The following USH2A variants were observed in gnomAD, a reference collection of about 807,000 sequenced individuals.
USH2A encodes Usher syndrome 2A (autosomal recessive, mild).
A neutral mutation model predicts 538.9 loss-of-function variants in USH2A; 443 were observed. The ratio of observed to expected loss-of-function variants is 0.82; its 90% CI spans 0.76 to 0.89. USH2A has a LOEUF of 0.89. Among genes scored for constraint, USH2A ranks in the 40% least tolerant of loss-of-function variants. The pLI is 0.00. For missense variants in USH2A, 6,633 were observed against 6,324.8 expected (o/e 1.05, Z -1.65); for synonymous variants, 2,413 against 2,273.5 (o/e 1.06, Z -1.75).
chr1:215,809,018 T>C (rs944563805), intron 49 of USH2A, among the ~76,000 whole-genome samples: 1 of 152,132 alleles, frequency 6.6e-6, no homozygotes, highest in Non-Finnish European at 1.5e-5. Flanking sequence ...GATCCTATAA[T>C]ATGGTATCTC....
At chr1:216,122,205 G>A (rs1433127872) in intron 21 of USH2A, among the ~76,000 whole-genome samples, 1 of 152,094 alleles carries the variant, frequency 6.6e-6, no homozygotes, top group African/African-American at 2.4e-5. Flanking sequence ...ACCTGGGTGG[G>A]TATGGAGTAT....
At chr1:216,162,896 CA>C (rs1210826638) in intron 21 of USH2A, among the ~76,000 whole-genome samples, 1 of 151,786 alleles carries the variant, frequency 6.6e-6, no homozygotes, top group Admixed American at 6.6e-5. Flanking sequence ...GCCAAGCACC[CA>C]AAAAAGAATT....
intron 50 of USH2A, among the ~76,000 whole-genome samples, chr1:215,791,431 T>C (rs1661978068): frequency 6.6e-6 from 1 of 152,162 alleles, no homozygotes; most frequent in Non-Finnish European, 1.5e-5. Flanking sequence ...CAAAAGTGCT[T>C]TTAAAAAAAA....
intron 49 of USH2A, among the ~76,000 whole-genome samples, chr1:215,800,580 C>A (rs1662296191): frequency 6.6e-6 from 1 of 152,174 alleles, no homozygotes; most frequent in Non-Finnish European, 1.5e-5. Context: ...ATTAGTTCAC[C>A]TTTTGGTGAG....
intron 9 of USH2A, among the ~76,000 whole-genome samples, chr1:216,313,681 C>T (rs778939928): frequency 6.6e-6 from 1 of 152,034 alleles, no homozygotes; most frequent in African/African-American, 2.4e-5. Flanking sequence ...AAAGTATTCT[C>T]GAAAAATTCT....
At chr1:215,996,071 C>A (rs11807722) in intron 34 of USH2A, among the ~76,000 whole-genome samples, 19 of 152,024 alleles carry the variant, frequency 1.2e-4, no homozygotes, top group Non-Finnish European at 2.1e-4. Context: ...GCACCACACC[C>A]GGCTATTCTT....
intron 4 of USH2A, among the ~76,000 whole-genome samples, chr1:216,356,921 C>T (rs977959089): frequency 6.6e-6 from 1 of 152,106 alleles, no homozygotes; most frequent in Non-Finnish European, 1.5e-5. Context: ...CCGGTATAAT[C>T]GCTTTTCTAG....
At chr1:215,859,094 G>A (rs1664248551) in intron 44 of USH2A, among the ~76,000 whole-genome samples, 1 of 152,132 alleles carries the variant, frequency 6.6e-6, no homozygotes, top group African/African-American at 2.4e-5. Context: ...AAGCGAGCCT[G>A]TGTGCTAACT....
intron 21 of USH2A, among the ~76,000 whole-genome samples, chr1:216,162,509 A>T (rs2034079788): frequency 1.3e-5 from 2 of 152,094 alleles, no homozygotes; most frequent in South Asian, 4.1e-4. Context: ...TGGATGACGC[A>T]TAGTAAAACC....
rs188999079 is a variant in USH2A at position 216,001,569 on chromosome 1, T to C, written c.6326-1007A>G. Among the ~76,000 whole-genome samples the C allele has an allele frequency of 1.0e-3, 156 of 152,306 alleles. 1 individual carries two copies. Among genetic ancestry groups the C allele is most frequent in the African/African-American group, 3.6e-3 (149 of 41,574 alleles). The stretch of plus-strand genomic sequence containing the variant: ...AGTCAGGTGTACCAAGACTTACTAA[T>C]CATTAATACTTTAACACTACTAGAA... On this transcript the variant is annotated intron_variant, in intron 32 of 71. Transcript: ENST00000307340.
intron 11 of USH2A, among the ~76,000 whole-genome samples, chr1:216,269,973 C>A (rs994487906): frequency 6.6e-6 from 1 of 152,016 alleles, no homozygotes; most frequent in African/African-American, 2.4e-5. Context: ...ATCAAGTAAT[C>A]CATATATGAT....
At chr1:215,997,822 C>T (rs1668174068) in intron 34 of USH2A, among the ~76,000 whole-genome samples, 1 of 152,062 alleles carries the variant, frequency 6.6e-6, no homozygotes, top group South Asian at 2.1e-4. Flanking sequence ...ATATTTCTTA[C>T]TTAATGGGTA....
chr1:215,835,252 C>G (rs908901437), intron 47 of USH2A, among the ~76,000 whole-genome samples: 3 of 149,848 alleles, frequency 2.0e-5, no homozygotes, highest in African/African-American at 7.4e-5. Context: ...TACTGGGTGA[C>G]CAGAGGACAA....
intron 34 of USH2A, 101 bp downstream of exon 34, chr1:215,998,786 C>CTTT: frequency 9.1e-7 from 1 of 1,095,332 alleles, no homozygotes; most frequent in Non-Finnish European, 1.3e-6. Context: ...AAGATTTTGA[C>CTTT]TTTTTTTTTT....
chr1:215,681,689 A>C (rs543240996), intron 61 of USH2A, among the ~76,000 whole-genome samples: 1 of 152,362 alleles, frequency 6.6e-6, no homozygotes, highest in African/African-American at 2.4e-5. Flanking sequence ...AGACAAAAAC[A>C]AAACAATGTA....
chr1:216,076,756 T>C (rs1057142623), intron 27 of USH2A, among the ~76,000 whole-genome samples: 2 of 152,190 alleles, frequency 1.3e-5, no homozygotes, highest in African/African-American at 4.8e-5. Context: ...GCTTGCCATA[T>C]ATTTTCTATT....
chr1:216,121,164 T>C (rs1367529426), intron 21 of USH2A, among the ~76,000 whole-genome samples: 1 of 152,160 alleles, frequency 6.6e-6, no homozygotes, highest in Non-Finnish European at 1.5e-5. Flanking sequence ...AAAACAGAAA[T>C]GTGTAATGTA....
intron 64 of USH2A, among the ~76,000 whole-genome samples, chr1:215,667,232 G>C (rs186288150): frequency 6.6e-6 from 1 of 152,308 alleles, no homozygotes; most frequent in East Asian, 1.9e-4. Context: ...TGAAGTATTA[G>C]TGAACACTTA....
intron 2 of USH2A, among the ~76,000 whole-genome samples, chr1:216,419,985 A>G (rs2039647817): frequency 6.6e-6 from 1 of 152,150 alleles, no homozygotes; most frequent in Admixed American, 6.6e-5. Flanking sequence ...GTGCAAGTAT[A>G]TTTTTAATTT....
Sources: allele counts gnomAD v4.1 joint callset (sites outside exome capture counted in the v4.1 genomes callset), GRCh38; gene constraint gnomAD v4.1.1; transcripts MANE v1.5; gene names NCBI Gene and HGNC (gene_info 2026-07-23, HGNC 2026-07-21).